The following MAST3 variants were observed in gnomAD, a reference collection of about 807,000 sequenced individuals.
MAST3 encodes the protein microtubule associated serine/threonine kinase 3.
MAST3 carries 43 observed loss-of-function variants against 127.0 expected under a neutral mutation model. That is an observed-to-expected ratio of 0.34 (90% confidence interval 0.27 to 0.44). The LOEUF is 0.44. Among genes scored for constraint, MAST3 ranks in the 20% least tolerant of loss-of-function variants. The pLI, the probability that MAST3 is intolerant of heterozygous loss-of-function variation, is 1.00. For synonymous variants in MAST3, 785 were observed against 809.2 expected (o/e 0.97, Z 0.51); for missense variants, 1,390 against 1,919.1 (o/e 0.72, Z 5.15).
In MAST3 at chr19:18,132,000, G is replaced by A. The variant is rs1242630729; in HGVS notation, c.1524G>A (p.Glu508=). ...LYFAETVLAL[E]YLHNYGIVHR... ...TCGCCGAGACGGTGTTGGCGCTGGA[G>A]TACCTGCATAACTATGGCATCGTGC... is the stretch of plus-strand genomic sequence containing the variant. Residue 508 remains glutamate (E), a synonymous_variant, in exon 15 of 28, where the codon GAG becomes GAA. Transcript: ENST00000687212. 6.2e-7 allele frequency: 1 copy of A among 1,614,100 alleles called. No individual in the cohort carries two copies. Among genetic ancestry groups the A allele is most frequent in the Non-Finnish European group, 8.5e-7 (1 of 1,180,054 alleles).
At chr19:18,118,735 C>T (rs1307267254) in intron 3 of MAST3, among the ~76,000 whole-genome samples, 2 of 152,194 alleles carry the variant, frequency 1.3e-5, no homozygotes, top group African/African-American at 4.8e-5. Flanking sequence ...TCAGTTTCCC[C>T]TTTTGAAAAG....
chr19:18,104,179 CAAAAAAAAAAAAAAAAAAAAA>C (rs56347763), intron 1 of MAST3, among the ~76,000 whole-genome samples: 16 of 43,482 alleles, frequency 3.7e-4, no homozygotes, highest in South Asian at 2.6e-3. Context: ...GACGCTGTCT[CAAAAAAAAAAAAAAAAAAAAA>C]AAAAAAAAAA....
At chr19:18,116,402 C>T (rs1231743905) in intron 3 of MAST3, among the ~76,000 whole-genome samples, 2 of 151,186 alleles carry the variant, frequency 1.3e-5, no homozygotes, top group African/African-American at 2.4e-5. Flanking sequence ...AAGCGATTCT[C>T]CTGCCTCAGC....
Position 18,123,846 on chromosome 19 carries a change from CCT to C in MAST3, c.634-87_634-86del. The stretch of plus-strand genomic sequence containing the variant: ...ACCCGATCGCCCCATTGCCCCATCT[CCT>C]CTCTCCCCAACCATGCCTCTCCTGC... On this transcript the variant is annotated intron_variant, in intron 8 of 27. Coordinates refer to ENST00000687212, the MANE Select transcript of MAST3 (RefSeq NM_001393504.1). The C allele has an allele frequency of 3.2e-6, 4 of 1,255,138 alleles. No homozygotes were observed. The South Asian group carries it at 5.4e-5, about 17-fold the overall frequency. 77.8% of individuals were successfully genotyped at this position (1,255,138 alleles called of 1,614,324 possible).
Position 18,124,303 on chromosome 19 carries a change from C to T in MAST3, c.882C>T (p.Ile294=), listed in dbSNP as rs1357705837. Residue 294 remains isoleucine, a synonymous_variant, in exon 10 of 28, where the codon ATC becomes ATT. Coordinates refer to ENST00000687212, the MANE Select transcript of MAST3 (RefSeq NM_001393504.1). ...CGGACAGTGAGGAGGTCAGCTTCATCGTCCAGCTTGTCCGGAAACTGCTGA... is the reference window on the plus strand; with the variant it reads ...CGGACAGTGAGGAGGTCAGCTTCATTGTCCAGCTTGTCCGGAAACTGCTGA... ...ERSDSEEVSF[I]VQLVRKLLII... The T allele has an allele frequency of 1.9e-6, 3 of 1,609,554 alleles. No homozygotes were observed. The highest frequency in any genetic ancestry group is 2.5e-6 in the Non-Finnish European group (3 of 1,177,884).
In MAST3 at chr19:18,150,650, A is replaced by T. The variant is rs2043466261; in HGVS notation, c.*924A>T. 1 of 152,290 alleles carries T rather than the reference A, an allele frequency of 6.6e-6. No homozygotes were observed. The highest frequency in any genetic ancestry group is 1.5e-5 in the Non-Finnish European group (1 of 68,086). 9.4% of individuals were successfully genotyped at this position (152,290 alleles called of 1,614,324 possible). ...TGGATTCTGAAGGCCACTTCCCACCATCATAGCTGCCATGCCCAGGCAGTG... is the reference window on the plus strand; with the variant it reads ...TGGATTCTGAAGGCCACTTCCCACCTTCATAGCTGCCATGCCCAGGCAGTG... On this transcript the variant is annotated 3_prime_UTR_variant, in exon 28 of 28. Transcript: ENST00000687212.
rs761358389 is a variant in MAST3, at chr19:18,149,225, C to T, written c.3543C>T (p.Ser1181=). ...CATCCCCACCCAGCGCATCCCCGAG[C>T]TCCAGCAGCCCCGCCTCCCCAGCTG... The part of the protein sequence containing the change: ...TTASPPSASP[S]SSSPASPAAA... Residue 1181 remains serine (S), a synonymous_variant, in exon 28 of 28, where the codon AGC becomes AGT. Coordinates refer to ENST00000687212, the MANE Select transcript of MAST3 (RefSeq NM_001393504.1). The surrounding 1 kb of genome is among the most constrained non-coding windows in gnomAD (Gnocchi z 5.9). The T allele has an allele frequency of 5.8e-6, 9 of 1,555,390 alleles. No individual in the cohort carries two copies. The highest frequency in any genetic ancestry group is 6.9e-6 in the Non-Finnish European group (8 of 1,154,248).
In MAST3 at chr19:18,151,678, T is replaced by C. The variant is rs2043533011; in HGVS notation, c.*1952T>C. ...GGAGCTGGCAGTGAATAAAAGCCCG[T>C]ATTTACAAAGATGAGCTCCAACGTC... On this transcript the variant is annotated 3_prime_UTR_variant, in exon 28 of 28. Coordinates refer to ENST00000687212, the MANE Select transcript of MAST3 (RefSeq NM_001393504.1). 6.6e-6 allele frequency: 1 copy of C among 152,234 alleles called. No individual in the cohort carries two copies. The highest frequency in any genetic ancestry group is 2.1e-4 in the South Asian group (1 of 4,828). The allele number at this position is 152,234 out of a possible 1,614,324, so 9.4% of individuals were successfully genotyped here. A position where few individuals can be genotyped will look rare whatever the true frequency, so the allele number is the denominator to read the frequency against.
intron 19 of MAST3, among the ~76,000 whole-genome samples, chr19:18,138,059 A>G (rs2042060720): frequency 6.6e-6 from 1 of 151,884 alleles, no homozygotes; most frequent in African/African-American, 2.4e-5. Context: ...AAATACAAAA[A>G]ATTAGGCAGG....
Position 18,135,918 on chromosome 19 carries a change from G to A in MAST3, c.1972+77G>A, listed in dbSNP as rs548623556. The A allele has an allele frequency of 2.4e-3, 2,700 of 1,147,414 alleles. 9 individuals carry two copies. The highest frequency in any genetic ancestry group is 5.9e-3 in the Admixed American group (267 of 45,548). 71.1% of individuals were successfully genotyped at this position (1,147,414 alleles called of 1,614,324 possible). A position where few individuals can be genotyped will look rare whatever the true frequency, so the allele number is the denominator to read the frequency against. On this transcript the variant is annotated intron_variant, in intron 18 of 27. Transcript: ENST00000687212. Reference sequence around the variant, plus strand: ...CCCAGGGAATGGAGGGATAGCGCCCGGGGTAGACAAGAGTTCTACTTGGGA... The same window carrying A: ...CCCAGGGAATGGAGGGATAGCGCCCAGGGTAGACAAGAGTTCTACTTGGGA...
chr19:18,120,075 TGGG>T (rs956325456), intron 3 of MAST3, among the ~76,000 whole-genome samples: 9 of 151,708 alleles, frequency 5.9e-5, no homozygotes, highest in African/African-American at 2.2e-4. Context: ...AGGGCCCAGG[TGGG>T]AGAAGAAGCC....
Position 18,135,889 on chromosome 19 carries a change from G to A in MAST3, c.1972+48G>A, listed in dbSNP as rs768281000. ...CAGGTGGGTGGCTCCTTCAGGCCCTGGGACCCAGGGAATGGAGGGATAGCG... is the reference window on the plus strand; with the variant it reads ...CAGGTGGGTGGCTCCTTCAGGCCCTAGGACCCAGGGAATGGAGGGATAGCG... On this transcript the variant is annotated intron_variant, in intron 18 of 27. Coordinates refer to ENST00000687212, the MANE Select transcript of MAST3 (RefSeq NM_001393504.1). 2.6e-5 allele frequency: 37 copies of A among 1,447,246 alleles called. No homozygotes were observed. The South Asian group carries it at 3.6e-4, about 14-fold the overall frequency. 89.7% of individuals were successfully genotyped at this position (1,447,246 alleles called of 1,614,324 possible).
chr19:18,119,375 A>G (rs758777533), intron 3 of MAST3, among the ~76,000 whole-genome samples: 2 of 152,212 alleles, frequency 1.3e-5, no homozygotes, highest in African/African-American at 2.4e-5. Context: ...ATGTGGAGAC[A>G]GCCAGGTGAG....
intron 1 of MAST3, among the ~76,000 whole-genome samples, chr19:18,101,743 T>C (rs1409790910): frequency 6.7e-6 from 1 of 150,326 alleles, no homozygotes; most frequent in Non-Finnish European, 1.5e-5. Flanking sequence ...CTCCGTCACC[T>C]GGATACAAGC....
Position 18,110,095 on chromosome 19 carries a change from G to A in MAST3, c.72-557G>A. On this transcript the variant is annotated intron_variant, in intron 2 of 27. Coordinates refer to ENST00000687212, the MANE Select transcript of MAST3 (RefSeq NM_001393504.1). The surrounding 1 kb of genome is among the most constrained non-coding windows in gnomAD (Gnocchi z 4.3). ...TTCCCGCTGCGCGACCCTCGCTGCC[G>A]GGCCGGGCCTGCGCGCAGGTGCGGA... 2 of 985,306 alleles carry A rather than the reference G, an allele frequency of 2.0e-6. No homozygotes were observed. Among genetic ancestry groups the A allele is most frequent in the Non-Finnish European group, 2.4e-6 (2 of 829,898 alleles). The allele number at this position is 985,306 out of a possible 1,614,324, so 61.0% of individuals were successfully genotyped here. A position where few individuals can be genotyped will look rare whatever the true frequency, so the allele number is the denominator to read the frequency against.
rs1322906367 is a variant in MAST3, at chr19:18,149,769, C to T, written c.*43C>T. 3 of 1,604,520 alleles carry T rather than the reference C, an allele frequency of 1.9e-6. No homozygotes were observed. The highest frequency in any genetic ancestry group is 2.5e-6 in the Non-Finnish European group (3 of 1,178,524). On this transcript the variant is annotated 3_prime_UTR_variant, in exon 28 of 28. Coordinates refer to ENST00000687212, the MANE Select transcript of MAST3 (RefSeq NM_001393504.1). The surrounding 1 kb of genome is among the most constrained non-coding windows in gnomAD (Gnocchi z 5.9). ...CCCTGGCATCAAAGTTACGCGTTTT[C>T]TTGTGCAATGTTTTTTCCGTAAAGT...
chr19:18,145,242 T>C lies in MAST3; in HGVS notation c.3039+13T>C. ...CCACGTCGTCTGGGTGAGTGCCGAGTGGGAATGGCAGGGACCCGGGTTCTA... is the reference window on the plus strand; with the variant it reads ...CCACGTCGTCTGGGTGAGTGCCGAGCGGGAATGGCAGGGACCCGGGTTCTA... On this transcript the variant is annotated intron_variant, in intron 24 of 27. Coordinates refer to ENST00000687212, the MANE Select transcript of MAST3 (RefSeq NM_001393504.1). This position sits in a 1 kb window ranked among gnomAD's most constrained non-coding sequence, Gnocchi z 5.9. 1 of 1,609,606 alleles carries C rather than the reference T, an allele frequency of 6.2e-7. No homozygotes were observed. The highest frequency in any genetic ancestry group is 1.1e-5 in the South Asian group (1 of 91,002).
Position 18,147,499 on chromosome 19 carries a change from G to A in MAST3, c.3383G>A (p.Arg1128His), listed in dbSNP as rs982310146. Residue 1128 changes from arginine (R) to histidine (H), a missense_variant, in exon 27 of 28, where the codon CGC (arginine) becomes CAC (histidine). Around this residue, in one of 5 missense-constraint regions of MAST3, gnomAD observed 816 missense variants for 934.1 expected, o/e 0.87. Coordinates refer to ENST00000687212, the MANE Select transcript of MAST3 (RefSeq NM_001393504.1). ...SKQTSVLHTSRSFSSGLHHSL... is the reference protein window; with the variant it reads ...SKQTSVLHTSHSFSSGLHHSL... The stretch of plus-strand genomic sequence containing the variant: ...CAGACCTCCGTGCTGCACACCAGCC[G>A]CAGCTTCTCCTCCGGACTCCACCAC... The A allele has an allele frequency of 4.3e-6, 7 of 1,612,854 alleles. No homozygotes were observed. In the South Asian group the frequency reaches 4.4e-5, roughly 10 times the overall value.
At chr19:18,124,409 CT>C in intron 10 of MAST3, 43 bp downstream of exon 10, 1 of 1,533,202 alleles carries the variant, frequency 6.5e-7, no homozygotes, top group African/African-American at 1.4e-5. Context: ...CCAGGCAGAA[CT>C]GAGATTGGGA....
Sources: allele counts gnomAD v4.1 joint callset (sites outside exome capture counted in the v4.1 genomes callset), GRCh38; gene constraint gnomAD v4.1.1; regional missense constraint gnomAD v4.1.1; non-coding constraint Gnocchi (gnomAD v3.1); transcripts MANE v1.5; gene names NCBI Gene and HGNC (gene_info 2026-07-23, HGNC 2026-07-21).